Variants in TRPM3 observed in about 807,000 individuals in gnomAD.
The protein encoded by TRPM3 is transient receptor potential cation channel subfamily M member 3.
Under a neutral mutation model 181.2 loss-of-function variants are expected in TRPM3, and 77 were observed. That is an observed-to-expected ratio of 0.42 (90% CI 0.35 to 0.51). TRPM3 has a LOEUF of 0.51. Ranked by LOEUF, TRPM3 falls within the 20% of genes least tolerant of loss-of-function variation. The probability of loss-of-function intolerance (pLI) is 0.01; values close to 1 mark genes in which losing one functional copy is unlikely to be tolerated. For synonymous variants in TRPM3, 745 were observed against 796.4 expected (o/e 0.94, Z 1.09); for missense variants, 1,759 against 2,196.7 (o/e 0.80, Z 3.98).
chr9:70,973,169 T>C (rs1352864013), intron 1 of TRPM3, among the ~76,000 whole-genome samples: 2 of 152,196 alleles, frequency 1.3e-5, no homozygotes, highest in Non-Finnish European at 2.9e-5. Flanking sequence ...TACAATCATT[T>C]ATTCCACTGA....
chr9:71,182,989 G>A (rs1177043640), intron 1 of TRPM3, among the ~76,000 whole-genome samples: 2 of 151,892 alleles, frequency 1.3e-5, no homozygotes, highest in East Asian at 1.9e-4. Flanking sequence ...GCCCATCAGG[G>A]AATAAAATTA....
At chr9:70,933,832 G>A (rs917883758) in intron 1 of TRPM3, among the ~76,000 whole-genome samples, 1 of 151,968 alleles carries the variant, frequency 6.6e-6, no homozygotes, top group Non-Finnish European at 1.5e-5. Flanking sequence ...TTATAGTGTT[G>A]GGTTCCTGAG....
At chr9:71,149,000 T>C (rs1164200646) in intron 1 of TRPM3, among the ~76,000 whole-genome samples, 1 of 152,132 alleles carries the variant, frequency 6.6e-6, no homozygotes, top group African/African-American at 2.4e-5. Flanking sequence ...GCTGGTCAAA[T>C]AGCATACATA....
At chr9:71,257,127 G>A (rs1267277809) in intron 1 of TRPM3, among the ~76,000 whole-genome samples, 1 of 152,158 alleles carries the variant, frequency 6.6e-6, no homozygotes, top group Non-Finnish European at 1.5e-5. Context: ...TAGAAGAGTT[G>A]CTTTAAAGTT....
At chr9:70,872,606 T>C (rs1419487058) in intron 1 of TRPM3, among the ~76,000 whole-genome samples, 1 of 151,974 alleles carries the variant, frequency 6.6e-6, no homozygotes, top group African/African-American at 2.4e-5. Context: ...TTACCTGCCA[T>C]TGTGCTGTGT....
intron 1 of TRPM3, among the ~76,000 whole-genome samples, chr9:70,981,641 C>A (rs2097364553): frequency 6.6e-6 from 1 of 151,990 alleles, no homozygotes. Context: ...AATAATAGGT[C>A]CTAAATTATA....
At chr9:71,210,663 G>T (rs887076643) in intron 1 of TRPM3, among the ~76,000 whole-genome samples, 4 of 152,176 alleles carry the variant, frequency 2.6e-5, no homozygotes, top group East Asian at 1.9e-4. Flanking sequence ...CCAAGAACAA[G>T]ATATTGTTGT....
chr9:71,130,457 T>C (rs933684771), intron 1 of TRPM3, among the ~76,000 whole-genome samples: 1 of 152,184 alleles, frequency 6.6e-6, no homozygotes, highest in African/African-American at 2.4e-5. Flanking sequence ...TCTGTAACCA[T>C]ATAAGTAAAA....
At chr9:70,781,691 G>C (rs2082499296) in intron 7 of TRPM3, among the ~76,000 whole-genome samples, 1 of 152,020 alleles carries the variant, frequency 6.6e-6, no homozygotes, top group Admixed American at 6.6e-5. Flanking sequence ...CTTGGGCTGT[G>C]TGGCTTTGGA....
rs375140030 is a variant in TRPM3, at chr9:70,618,972, G to A, written c.2253C>T (p.Ala751=). 12 of 1,614,014 alleles carry A rather than the reference G, an allele frequency of 7.4e-6. No homozygotes were observed. The highest frequency in any genetic ancestry group is 1.6e-4 in the Middle Eastern group (1 of 6,084). The change falls in exon 17 of 26, where the codon GCC becomes GCT. Residue 751 remains alanine, a synonymous_variant. Transcript: ENST00000677713. ...NWSNATCLQL[A]VAAKHRDFIA... ...TGAAGTCGCGGTGTTTGGCAGCCAC[G>A]GCAAGCTGCAGGCACGTGGCGTTGC...
intron 1 of TRPM3, among the ~76,000 whole-genome samples, chr9:71,384,876 A>G (rs2092890558): frequency 6.6e-6 from 1 of 152,210 alleles, no homozygotes; most frequent in South Asian, 2.1e-4. Context: ...CATTTTTAAA[A>G]ACAGCCATAA....
intron 1 of TRPM3, among the ~76,000 whole-genome samples, chr9:71,320,124 G>A (rs893362215): frequency 7.2e-5 from 11 of 151,950 alleles, no homozygotes; most frequent in Non-Finnish European, 1.5e-4. Context: ...AATATATTGT[G>A]TTCCCTAAAG....
At chr9:71,301,635 G>A (rs940660112) in intron 1 of TRPM3, among the ~76,000 whole-genome samples, 14 of 151,956 alleles carry the variant, frequency 9.2e-5, no homozygotes, top group Non-Finnish European at 1.5e-4. Flanking sequence ...TTATTCAAAC[G>A]TCAACTGCTG....
chr9:70,969,779 T>TATATATATATATATATAC (rs900528837), intron 1 of TRPM3, among the ~76,000 whole-genome samples: 137 of 139,820 alleles, frequency 9.8e-4, no homozygotes, highest in African/African-American at 3.4e-3. Context: ...TATATATATA[T>TATATATATATATATATAC]ACACACACAC....
At chr9:71,048,602 A>T (rs1032018027) in intron 1 of TRPM3, among the ~76,000 whole-genome samples, 7 of 152,128 alleles carry the variant, frequency 4.6e-5, no homozygotes, top group African/African-American at 1.7e-4. Flanking sequence ...CACTTTGTTT[A>T]TTGCTCCGGC....
intron 22 of TRPM3, among the ~76,000 whole-genome samples, chr9:70,565,568 C>T (rs145770875): frequency 9.4e-4 from 140 of 149,490 alleles, no homozygotes; most frequent in African/African-American, 3.1e-3. Context: ...GCTGGGATTA[C>T]AGGCATGAGC....
intron 12 of TRPM3, among the ~76,000 whole-genome samples, chr9:70,627,248 A>G (rs1023823990): frequency 2.0e-5 from 3 of 148,478 alleles, no homozygotes; most frequent in African/African-American, 5.0e-5. Context: ...CCTCAGGCAT[A>G]TAAGACTCCA....
At chr9:71,321,879 A>T (rs2089253811) in intron 1 of TRPM3, among the ~76,000 whole-genome samples, 1 of 152,144 alleles carries the variant, frequency 6.6e-6, no homozygotes, top group Admixed American at 6.6e-5. Flanking sequence ...AAGTCCCCAC[A>T]ATGTACTTGA....
intron 1 of TRPM3, among the ~76,000 whole-genome samples, chr9:71,245,853 A>T (rs1284896780): frequency 6.6e-6 from 1 of 152,226 alleles, no homozygotes; most frequent in Non-Finnish European, 1.5e-5. Context: ...TTTGTGGCTA[A>T]CATTGGAAAA....
Sources: gnomAD v4.1 joint callset for allele counts (sites outside exome capture counted in the v4.1 genomes callset) on GRCh38, gnomAD v4.1.1 for gene constraint, MANE v1.5 for transcripts, NCBI Gene and HGNC (gene_info 2026-07-23, HGNC 2026-07-21) for gene names.